Variants in ZSCAN20 observed in about 807,000 individuals in gnomAD.
ZSCAN20 encodes the protein zinc finger and SCAN domain containing 20.
Under a neutral mutation model 97.1 loss-of-function variants are expected in ZSCAN20, and 39 were observed. That is an observed-to-expected ratio of 0.40 (90% CI 0.31 to 0.52). The LOEUF (loss-of-function observed/expected upper bound fraction) is 0.52, where lower values mean the gene tolerates loss of function less well. ZSCAN20 is among the 20% of genes least tolerant of loss of function. ZSCAN20 has a pLI of 0.49. For missense variants in ZSCAN20, 1,115 were observed against 1,290.4 expected (o/e 0.86, Z 2.08); for synonymous variants, 456 against 467.3 (o/e 0.98, Z 0.31).
In ZSCAN20 at chr1:33,493,935, G is replaced by A. The variant is rs1248969998; in HGVS notation, c.1874-283G>A. Among the ~76,000 whole-genome samples the A allele has an allele frequency of 6.6e-6, 1 of 152,164 alleles. No homozygotes were observed. Among genetic ancestry groups the A allele is most frequent in the Non-Finnish European group, 1.5e-5 (1 of 68,032 alleles). On this transcript the variant is annotated intron_variant, in intron 7 of 7. Transcript: ENST00000684572. This position sits in a 1 kb window ranked among gnomAD's most constrained non-coding sequence, Gnocchi z 4.3. ...GAGTACTAAGATAGAGGAGTTTGAT[G>A]GGGAAACAGGTTGGCTGTGGCTGCT...
chr1:33,494,265 A>G lies in ZSCAN20; in HGVS notation c.1921A>G (p.Ile641Val). ...EDEDQISEQD[I>V]FEGLPGALSK... ...TGAAGACCAGATTTCAGAGCAGGAC[A>G]TTTTTGAGGGTTTGCCTGGAGCCTT... Residue 641 changes from isoleucine (I) to valine (V), a missense_variant, in exon 8 of 8, where the codon ATT (isoleucine) becomes GTT (valine). Physicochemically the swap from Ile to Val is conservative, Grantham distance 29. This residue lies in a region of ZSCAN20 where 554 missense variants were observed against 584.9 expected (regional missense o/e 0.95). Transcript: ENST00000684572. 1 of 1,601,138 alleles carries G rather than the reference A, an allele frequency of 6.2e-7. No individual in the cohort carries two copies. Among genetic ancestry groups the G allele is most frequent in the Non-Finnish European group, 8.5e-7 (1 of 1,173,942 alleles).
In ZSCAN20 at chr1:33,493,141, C is replaced by T. The variant is rs746751338; in HGVS notation, c.1445-46C>T. 1 of 1,577,318 alleles carries T rather than the reference C, an allele frequency of 6.3e-7. No homozygotes were observed. The highest frequency in any genetic ancestry group is 8.7e-7 in the Non-Finnish European group (1 of 1,151,794). ...TGACTTTATTCTCTGATGACCTAGG[C>T]ACATCTCATTAAGTCTCACAGTTCT... On this transcript the variant is annotated intron_variant, in intron 6 of 7. Transcript: ENST00000684572. This position sits in a 1 kb window ranked among gnomAD's most constrained non-coding sequence, Gnocchi z 4.3.
intron 2 of ZSCAN20, 38 bp from the exon 3 acceptor site, chr1:33,488,427 T>TGGGAATTGG: frequency 6.2e-7 from 1 of 1,601,172 alleles, no homozygotes; most frequent in Non-Finnish European, 8.5e-7. Context: ...TGGGTCTTAC[T>TGGGAATTGG]GAATTGTTGA....
intron 1 of ZSCAN20, among the ~76,000 whole-genome samples, chr1:33,473,883 A>G (rs1651824339): frequency 6.6e-6 from 1 of 152,222 alleles, no homozygotes. Flanking sequence ...AGCAGTAAAC[A>G]CTTGATGTAA....
intron 1 of ZSCAN20, among the ~76,000 whole-genome samples, chr1:33,478,319 T>TGCCAAGTGGACAGA (rs1553121441): frequency 6.7e-6 from 1 of 148,912 alleles, no homozygotes; most frequent in Non-Finnish European, 1.5e-5. Flanking sequence ...GAGATGGAGA[T>TGCCAAGTGGACAGA]GCCAAGTGGA....
chr1:33,492,266 GC>G, intron 6 of ZSCAN20: 1 of 152,370 alleles, frequency 6.6e-6, no homozygotes, highest in East Asian at 1.9e-4. Flanking sequence ...AGAGCCTGTG[GC>G]TCCTGCCTGC....
rs1652452088 is a variant in ZSCAN20, at chr1:33,488,453, AT to A, written c.418-9del. 7 of 1,607,742 alleles carry A rather than the reference AT, an allele frequency of 4.4e-6. No homozygotes were observed. Among genetic ancestry groups the A allele is most frequent in the Non-Finnish European group, 5.1e-6 (6 of 1,178,246 alleles). On this transcript the variant is annotated splice_polypyrimidine_tract_variant and intron_variant, in intron 2 of 7. Transcript: ENST00000684572. The stretch of plus-strand genomic sequence containing the variant: ...GAATTGTTGATTGGGAATTTTGACT[AT>A]TTGTGTGTAGGGACTGGAATTGCAT...
In ZSCAN20 at chr1:33,501,116, G is replaced by A. The variant is rs1281712134; in HGVS notation, c.*5640G>A. On this transcript the variant is annotated 3_prime_UTR_variant, in exon 8 of 8. Coordinates refer to ENST00000684572, the MANE Select transcript of ZSCAN20 (RefSeq NM_001377376.1). ...GCAAGGCAGGAGAGAATCCCTCTGT[G>A]GACAGCACTTGAGAGGAAAGGGCTT... is the stretch of plus-strand genomic sequence containing the variant. 6.6e-6 allele frequency among the ~76,000 whole-genome samples: 1 copy of A among 152,146 alleles called. No homozygotes were observed. The highest frequency in any genetic ancestry group is 1.5e-5 in the Non-Finnish European group (1 of 68,026).
At position 33,496,215 on chromosome 1, in the gene ZSCAN20, G is replaced by A. The variant is rs1652857613; in HGVS notation, c.*739G>A. ...AGGATTCAACAGATCTGTCTGTCTT[G>A]AGTCTATCGTGCTCTTATTGCTATA... On this transcript the variant is annotated 3_prime_UTR_variant, in exon 8 of 8. Transcript: ENST00000684572. 6.6e-6 allele frequency: 1 copy of A among 152,180 alleles called. No individual in the cohort carries two copies. Among genetic ancestry groups the A allele is most frequent in the Non-Finnish European group, 1.5e-5 (1 of 68,030 alleles). 9.4% of individuals were successfully genotyped at this position (152,180 alleles called of 1,614,324 possible). A position where few individuals can be genotyped will look rare whatever the true frequency, so the allele number is the denominator to read the frequency against.
At position 33,491,093 on chromosome 1, in the gene ZSCAN20, CT is replaced by C. The variant is rs1397573588; in HGVS notation, c.837del (p.Ile280Ter). 1 of 1,613,646 alleles carries C rather than the reference CT, an allele frequency of 6.2e-7. No individual in the cohort carries two copies. On this transcript the variant is annotated frameshift_variant, in exon 6 of 8. Coordinates refer to ENST00000684572, the MANE Select transcript of ZSCAN20 (RefSeq NM_001377376.1). LOFTEE classifies it high-confidence loss of function. This position sits in a 1 kb window ranked among gnomAD's most constrained non-coding sequence, Gnocchi z 4.3. ...AGGACCAGAGTTTTGGGGTCTAAGT[CT>C]TATAAATTCTGGGAAAAGGAGCACT... ...EQGPEFWGLS[L>X]INSGKRSTAD...
chr1:33,483,969 G>A (rs903581619), intron 2 of ZSCAN20, among the ~76,000 whole-genome samples: 1 of 151,994 alleles, frequency 6.6e-6, no homozygotes, highest in Non-Finnish European at 1.5e-5. Context: ...GAATGTAAAT[G>A]TTATTATGCC....
rs533742843 is a variant in ZSCAN20, at chr1:33,493,450, A to C, written c.1708A>C (p.Arg570=). Residue 570 remains arginine (R), a synonymous_variant, in exon 7 of 8, where the codon AGG becomes CGG. Transcript: ENST00000684572. This position sits in a 1 kb window ranked among gnomAD's most constrained non-coding sequence, Gnocchi z 4.3. ...PFYEELDSLM[R]ARAAVRAMGT... ...CTATGAGGAACTGGACTCGCTGATG[A>C]GGGCTCGGGCTGCAGTCAGGGCCAT... 1 of 1,614,154 alleles carries C rather than the reference A, an allele frequency of 6.2e-7. No individual in the cohort carries two copies. The highest frequency in any genetic ancestry group is 1.7e-5 in the Admixed American group (1 of 60,020).
chr1:33,490,929 C>T (rs1652578055), intron 5 of ZSCAN20, 96 bp from the exon 6 acceptor site: 1 of 1,211,638 alleles, frequency 8.3e-7, no homozygotes, highest in Non-Finnish European at 1.1e-6. Flanking sequence ...TCTCGTTAGC[C>T]TCTTGCAAGG....
chr1:33,491,649 C>G lies in ZSCAN20; in HGVS notation c.1391C>G (p.Ser464Cys). 1 of 1,613,628 alleles carries G rather than the reference C, an allele frequency of 6.2e-7. No individual in the cohort carries two copies. Among genetic ancestry groups the G allele is most frequent in the African/African-American group, 1.3e-5 (1 of 75,036 alleles). ...GGTGCTGGCCTGGTCAATGTTGAGT[C>G]TACCCAGGGGCCCAGGATTGCAGGG... The part of the protein sequence containing the change: ...CNGAGLVNVE[S>C]TQGPRIAGAP... The change falls in exon 6 of 8, where the codon TCT becomes TGT. Residue 464 changes from serine to cysteine, a missense_variant. Ser to Cys is a moderately radical substitution (Grantham distance 112). This residue lies in a region of ZSCAN20 where 508 missense variants were observed against 611.2 expected (regional missense o/e 0.83). Transcript: ENST00000684572. This position sits in a 1 kb window ranked among gnomAD's most constrained non-coding sequence, Gnocchi z 4.3.
In ZSCAN20 at chr1:33,493,096, T is replaced by TAGGTATTTTGAAGGGC; in HGVS notation, c.1445-86_1445-71dup. The TAGGTATTTTGAAGGGC allele has an allele frequency of 7.7e-7, 1 of 1,305,422 alleles. No homozygotes were observed. The highest frequency in any genetic ancestry group is 1.1e-6 in the Non-Finnish European group (1 of 932,542). 80.9% of individuals were successfully genotyped at this position (1,305,422 alleles called of 1,614,324 possible). Reference sequence around the variant, plus strand: ...GATAGTTTCTGACATGCCTATGTTCTAGGTATTTTGAAGGGCAGGTGACTT... The same window carrying TAGGTATTTTGAAGGGC: ...GATAGTTTCTGACATGCCTATGTTCTAGGTATTTTGAAGGGCAGGTATTTTGAAGGGCAGGTGACTT... On this transcript the variant is annotated intron_variant, in intron 6 of 7. Transcript: ENST00000684572. This position sits in a 1 kb window ranked among gnomAD's most constrained non-coding sequence, Gnocchi z 4.3.
chr1:33,491,209 G>A lies in ZSCAN20; in HGVS notation c.951G>A (p.Glu317=), dbSNP rs1397759731. Residue 317 remains glutamate, a synonymous_variant, in exon 6 of 8, where the codon GAG becomes GAA. Coordinates refer to ENST00000684572, the MANE Select transcript of ZSCAN20 (RefSeq NM_001377376.1). The surrounding 1 kb of genome is among the most constrained non-coding windows in gnomAD (Gnocchi z 4.3). ...AGGAACAATACCAGTGGGATGTGGAGGACATGAAGGTGTCAGGTGTTCACT... is the reference window on the plus strand; with the variant it reads ...AGGAACAATACCAGTGGGATGTGGAAGACATGAAGGTGTCAGGTGTTCACT... ...AWEEQYQWDV[E]DMKVSGVHWG... 2 of 1,614,178 alleles carry A rather than the reference G, an allele frequency of 1.2e-6. No individual in the cohort carries two copies. The highest frequency in any genetic ancestry group is 1.1e-5 in the South Asian group (1 of 91,082).
chr1:33,477,434 G>T (rs1452071408), intron 1 of ZSCAN20, among the ~76,000 whole-genome samples: 1 of 151,814 alleles, frequency 6.6e-6, no homozygotes, highest in East Asian at 1.9e-4. Flanking sequence ...CATTTTTTAT[G>T]TCACCCAGAC....
chr1:33,490,101 G>T (rs897246953), intron 5 of ZSCAN20, among the ~76,000 whole-genome samples: 12 of 152,178 alleles, frequency 7.9e-5, no homozygotes, highest in African/African-American at 2.9e-4. Flanking sequence ...TCCCTGTGGA[G>T]CCCGGGATCA....
chr1:33,491,069 G>A lies in ZSCAN20; in HGVS notation c.811G>A (p.Gly271Arg), dbSNP rs1652583750. The A allele has an allele frequency of 1.1e-5, 18 of 1,611,658 alleles. No individual in the cohort carries two copies. Among genetic ancestry groups the A allele is most frequent in the Non-Finnish European group, 1.5e-5 (18 of 1,179,386 alleles). ...KPSNTSEKEQ[G>R]PEFWGLSLIN... ...AAGTAATACCTCCGAGAAAGAGCAA[G>A]GACCAGAGTTTTGGGGTCTAAGTCT... The change falls in exon 6 of 8, where the codon GGA (glycine) becomes AGA (arginine). Residue 271 changes from glycine to arginine, a missense_variant. Around this residue, in one of 3 missense-constraint regions of ZSCAN20, gnomAD observed 508 missense variants for 611.2 expected, o/e 0.83. Coordinates refer to ENST00000684572, the MANE Select transcript of ZSCAN20 (RefSeq NM_001377376.1). This position sits in a 1 kb window ranked among gnomAD's most constrained non-coding sequence, Gnocchi z 4.3.
Sources: allele counts gnomAD v4.1 joint callset (sites outside exome capture counted in the v4.1 genomes callset), GRCh38; gene constraint gnomAD v4.1.1; regional missense constraint gnomAD v4.1.1; non-coding constraint Gnocchi (gnomAD v3.1); transcripts MANE v1.5; gene names NCBI Gene and HGNC (gene_info 2026-07-23, HGNC 2026-07-21).